The following WWOX variants were observed in gnomAD, a reference collection of about 807,000 sequenced individuals.
The protein encoded by WWOX is WW domain containing oxidoreductase.
In WWOX, 69 loss-of-function variants were observed where a neutral mutation model predicts 46.2. That is an observed-to-expected ratio of 1.49 (90% CI 1.23 to 1.82). The LOEUF is 1.82. WWOX is among the 40% of genes most tolerant of loss of function. The pLI, the probability that WWOX is intolerant of heterozygous loss-of-function variation, is 0.00. For synonymous variants in WWOX, 359 were observed against 202.6 expected (o/e 1.77, Z -6.56); for missense variants, 919 against 542.6 (o/e 1.69, Z -6.89).
intron 8 of WWOX, among the ~76,000 whole-genome samples, chr16:79,048,453 C>A (rs1248125237): frequency 6.6e-6 from 1 of 151,988 alleles, no homozygotes; most frequent in Admixed American, 6.6e-5. Flanking sequence ...TCAGAGTTCA[C>A]GTGTGTCTAT....
intron 8 of WWOX, among the ~76,000 whole-genome samples, chr16:78,692,675 G>A (rs2048016566): frequency 6.6e-6 from 1 of 152,180 alleles, no homozygotes; most frequent in African/African-American, 2.4e-5. Context: ...GTCACCAGTG[G>A]AGTCCCATAA....
intron 8 of WWOX, among the ~76,000 whole-genome samples, chr16:78,893,193 G>GAA (rs1052640606): frequency 4.9e-5 from 7 of 144,300 alleles, no homozygotes; most frequent in Admixed American, 6.9e-5. Context: ...ACTATAGCTA[G>GAA]AAAAAAAAAA....
At chr16:78,390,661 T>TTG (rs1444137076) in intron 6 of WWOX, among the ~76,000 whole-genome samples, 1 of 152,214 alleles carries the variant, frequency 6.6e-6, no homozygotes, top group Non-Finnish European at 1.5e-5. Context: ...AGTTTAGTAC[T>TTG]TGCAGGTCTT....
chr16:78,873,122 C>G (rs1372278146), intron 8 of WWOX: 2 of 152,116 alleles, frequency 1.3e-5, no homozygotes, highest in African/African-American at 2.4e-5. Context: ...AATGCTAGTC[C>G]TTTTTCTCTT....
intron 8 of WWOX, among the ~76,000 whole-genome samples, chr16:78,465,989 T>G (rs2738665): frequency 0.31 from 46,566 of 151,926 alleles, 9,411 homozygotes; most frequent in African/African-American, 0.58. Context: ...GCGGGGAGTA[T>G]GGAAAGCCTG....
At chr16:78,575,064 T>TAA (rs2044838468) in intron 8 of WWOX, among the ~76,000 whole-genome samples, 1 of 21,550 alleles carries the variant, frequency 4.6e-5, no homozygotes, top group African/African-American at 1.5e-4. Flanking sequence ...TATATATATA[T>TAA]ATATATATAT....
At chr16:78,849,401 C>G (rs1213187658) in intron 8 of WWOX, among the ~76,000 whole-genome samples, 2 of 151,600 alleles carry the variant, frequency 1.3e-5, no homozygotes, top group Non-Finnish European at 2.9e-5. Flanking sequence ...GAAACCCCAT[C>G]TCTATTAAAA....
At chr16:78,824,397 A>G (rs940368176) in intron 8 of WWOX, among the ~76,000 whole-genome samples, 1 of 152,122 alleles carries the variant, frequency 6.6e-6, no homozygotes, top group Non-Finnish European at 1.5e-5. Flanking sequence ...TGTTTTCCTC[A>G]TTCATTCATT....
Position 78,432,122 on chromosome 16 carries a change from T to G in WWOX, c.792-366T>G, listed in dbSNP as rs1280244485. 3.7e-5 allele frequency among the ~76,000 whole-genome samples: 3 copies of G among 80,752 alleles called. No individual in the cohort carries two copies. In the African/African-American group the frequency reaches 4.6e-4, roughly 12 times the overall value. 53.0% of individuals were successfully genotyped at this position (80,752 alleles called of 152,430 possible). A position where few individuals can be genotyped will look rare whatever the true frequency, so the allele number is the denominator to read the frequency against. Reference sequence around the variant, plus strand: ...TCTCTACATAGTTTCCTCAGATTGCTTTTTTTTTTTTTTGAGACCGAGTCT... The same window carrying G: ...TCTCTACATAGTTTCCTCAGATTGCGTTTTTTTTTTTTTGAGACCGAGTCT... On this transcript the variant is annotated intron_variant, in intron 7 of 8. Transcript: ENST00000566780.
At chr16:78,610,220 A>T (rs1281967125) in intron 8 of WWOX, among the ~76,000 whole-genome samples, 1 of 152,194 alleles carries the variant, frequency 6.6e-6, no homozygotes, top group Non-Finnish European at 1.5e-5. Flanking sequence ...AGTTTGTGAT[A>T]AAGATCCCTT....
At chr16:78,957,898 C>G (rs13334115) in intron 8 of WWOX, among the ~76,000 whole-genome samples, 50,178 of 152,052 alleles carry the variant, frequency 0.33, 8,886 homozygotes, top group Non-Finnish European at 0.39. Context: ...GACTAATCCG[C>G]CCTTTCTTTT....
At chr16:78,558,938 G>C (rs1300985762) in intron 8 of WWOX, among the ~76,000 whole-genome samples, 1 of 152,166 alleles carries the variant, frequency 6.6e-6, no homozygotes, top group South Asian at 2.1e-4. Flanking sequence ...GTCATTTTGT[G>C]GTTATCTGTT....
intron 8 of WWOX, among the ~76,000 whole-genome samples, chr16:78,495,568 G>T (rs2084896738): frequency 1.3e-5 from 2 of 151,380 alleles, no homozygotes; most frequent in South Asian, 4.2e-4. Flanking sequence ...GAGTGCAGTG[G>T]TGTGATCTCA....
chr16:78,857,754 G>C (rs1020149380), intron 8 of WWOX, among the ~76,000 whole-genome samples: 1 of 152,110 alleles, frequency 6.6e-6, no homozygotes, highest in Non-Finnish European at 1.5e-5. Flanking sequence ...CTCATAACTC[G>C]ATTTTCCAAA....
At chr16:78,988,439 C>T (rs1387955724) in intron 8 of WWOX, among the ~76,000 whole-genome samples, 1 of 151,588 alleles carries the variant, frequency 6.6e-6, no homozygotes, top group Admixed American at 6.6e-5. Context: ...GGAGAGGGAG[C>T]AGATACTGGA....
chr16:78,991,491 C>T (rs2046885593), intron 8 of WWOX, among the ~76,000 whole-genome samples: 1 of 150,444 alleles, frequency 6.6e-6, no homozygotes, highest in South Asian at 2.1e-4. Context: ...GTCCCAGCTA[C>T]TCAGGAGGCT....
At chr16:79,198,828 G>A (rs781565863) in intron 8 of WWOX, among the ~76,000 whole-genome samples, 6 of 152,182 alleles carry the variant, frequency 3.9e-5, no homozygotes, top group Admixed American at 2.6e-4. Flanking sequence ...CTCATAAAAT[G>A]TTTGCTAGTC....
intron 8 of WWOX, among the ~76,000 whole-genome samples, chr16:78,915,319 TAAG>T (rs1324614602): frequency 1.3e-5 from 2 of 152,158 alleles, no homozygotes; most frequent in African/African-American, 4.8e-5. Context: ...TCCAATTCCA[TAAG>T]AAGTAAATGC....
chr16:78,441,449 G>C (rs983812450), intron 8 of WWOX, among the ~76,000 whole-genome samples: 1 of 152,184 alleles, frequency 6.6e-6, no homozygotes, highest in African/African-American at 2.4e-5. Context: ...ATACGTAAAA[G>C]ATAAGGCAAG....
Sources: allele counts gnomAD v4.1 joint callset (sites outside exome capture counted in the v4.1 genomes callset), GRCh38; gene constraint gnomAD v4.1.1; transcripts MANE v1.5; gene names NCBI Gene and HGNC (gene_info 2026-07-23, HGNC 2026-07-21).